ATXN10: variants seen among roughly 807,000 people sequenced by gnomAD.
ATXN10 encodes ataxin-10.
A neutral mutation model predicts 52.9 loss-of-function variants in ATXN10; 28 were observed. That is an observed-to-expected ratio of 0.53 (90% CI 0.39 to 0.73). The LOEUF (loss-of-function observed/expected upper bound fraction) is 0.73. ATXN10 is among the 30% of genes least tolerant of loss of function. ATXN10 has a pLI of 0.00. For synonymous variants in ATXN10, 226 were observed against 221.5 expected (o/e 1.02, Z -0.18); for missense variants, 565 against 577.0 (o/e 0.98, Z 0.21).
intron 9 of ATXN10, among the ~76,000 whole-genome samples, chr22:45,764,370 A>T (rs1926509523): frequency 6.6e-6 from 1 of 151,884 alleles, no homozygotes; most frequent in South Asian, 2.1e-4. Context: ...GGTTTCCCTT[A>T]GCAAGGCTTC....
rs538251604 is a variant in ATXN10, at chr22:45,700,571, A to G, written c.488+193A>G. On this transcript the variant is annotated intron_variant, in intron 4 of 11. Coordinates refer to ENST00000252934, the MANE Select transcript of ATXN10 (RefSeq NM_013236.4). ...ACCTGGGTCCTGGAAGTGTTCGTCT[A>G]TATCTTGACCTTGGTGGTGGTTACA... 3.3e-5 allele frequency among the ~76,000 whole-genome samples: 5 copies of G among 152,308 alleles called. No homozygotes were observed. In the South Asian group the frequency reaches 6.2e-4, roughly 19 times the overall value.
At chr22:45,710,183 A>G (rs541802971) in intron 5 of ATXN10, among the ~76,000 whole-genome samples, 9 of 152,320 alleles carry the variant, frequency 5.9e-5, no homozygotes, top group African/African-American at 2.2e-4. Flanking sequence ...AGTACTTGTC[A>G]TGTCCTGGCG....
intron 9 of ATXN10, among the ~76,000 whole-genome samples, chr22:45,797,187 G>A (rs1048977460): frequency 6.6e-6 from 1 of 152,146 alleles, no homozygotes; most frequent in African/African-American, 2.4e-5. Flanking sequence ...AAAGCAGGAG[G>A]AATATGGAAA....
intron 10 of ATXN10, among the ~76,000 whole-genome samples, chr22:45,807,655 C>T (rs1376453537): frequency 1.3e-5 from 2 of 152,202 alleles, no homozygotes; most frequent in Non-Finnish European, 2.9e-5. Context: ...ACTAGTTGTA[C>T]TATACAAAAC....
At chr22:45,804,700 T>C (rs1282903264) in intron 9 of ATXN10, among the ~76,000 whole-genome samples, 1 of 152,176 alleles carries the variant, frequency 6.6e-6, no homozygotes, top group Non-Finnish European at 1.5e-5. Flanking sequence ...AATTTGTATG[T>C]TTTCAATTTT....
At chr22:45,738,517 T>C (rs1925385852) in intron 7 of ATXN10, 1 of 528,194 alleles carries the variant, frequency 1.9e-6, no homozygotes, top group Non-Finnish European at 3.4e-6. Flanking sequence ...CTTGCATTCT[T>C]GATGGCAGAT....
In ATXN10 at chr22:45,696,515, C is replaced by G. The variant is rs986694926; in HGVS notation, c.391+3437C>G. On this transcript the variant is annotated intron_variant, in intron 3 of 11. Coordinates refer to ENST00000252934, the MANE Select transcript of ATXN10 (RefSeq NM_013236.4). This position sits in a 1 kb window ranked among gnomAD's most constrained non-coding sequence, Gnocchi z 4.7. ...ATTAGAATGGAGCCAGCCCCTCCAC[C>G]ATGTGCTGGATTTCATCGCCACTTG... is the stretch of plus-strand genomic sequence containing the variant. Among the ~76,000 whole-genome samples, 6 of 152,208 alleles carry G rather than the reference C, an allele frequency of 3.9e-5. No homozygotes were observed. The highest frequency in any genetic ancestry group is 8.8e-5 in the Non-Finnish European group (6 of 68,034).
At position 45,841,070 on chromosome 22, in the gene ATXN10, TTATTCTC is replaced by T. The variant is rs944452533; in HGVS notation, c.1238-1917_1238-1911del. 5.2e-4 allele frequency among the ~76,000 whole-genome samples: 79 copies of T among 152,322 alleles called. No homozygotes were observed. Among genetic ancestry groups the T allele is most frequent in the African/African-American group, 1.8e-3 (75 of 41,566 alleles). On this transcript the variant is annotated intron_variant, in intron 10 of 11. Transcript: ENST00000252934. This position sits in a 1 kb window ranked among gnomAD's most constrained non-coding sequence, Gnocchi z 5.1. ...TGCTTGATACCGGGGCTCGTTATCT[TTATTCTC>T]TATACTGGCACAAAGTGGGGGTTCA...
intron 9 of ATXN10, among the ~76,000 whole-genome samples, chr22:45,741,359 G>C (rs1466737631): frequency 6.6e-6 from 1 of 152,160 alleles, no homozygotes; most frequent in East Asian, 1.9e-4. Context: ...ACCATTTGTA[G>C]CATAGCCCTT....
intron 3 of ATXN10, 42 bp from the exon 4 acceptor site, chr22:45,700,240 T>C: frequency 1.6e-6 from 2 of 1,279,274 alleles, no homozygotes; most frequent in Non-Finnish European, 2.2e-6. Context: ...TTATTGTGTT[T>C]AATCATTTAT....
intron 3 of ATXN10, among the ~76,000 whole-genome samples, chr22:45,693,955 G>A (rs1036737253): frequency 6.6e-6 from 1 of 152,180 alleles, no homozygotes; most frequent in African/African-American, 2.4e-5. Flanking sequence ...TCTGTGGTAA[G>A]ACTTTTAATA....
intron 6 of ATXN10, among the ~76,000 whole-genome samples, chr22:45,720,970 G>C (rs1175892541): frequency 6.6e-6 from 1 of 152,244 alleles, no homozygotes; most frequent in Admixed American, 6.5e-5. Flanking sequence ...CAGAGACACA[G>C]TCCCTGCCCT....
chr22:45,813,203 T>C (rs569315033), intron 10 of ATXN10, among the ~76,000 whole-genome samples: 1 of 152,282 alleles, frequency 6.6e-6, no homozygotes, highest in Non-Finnish European at 1.5e-5. Flanking sequence ...CAATTTCTTA[T>C]TTGTCAGTTT....
chr22:45,692,659 T>G (rs1923428500), intron 2 of ATXN10, among the ~76,000 whole-genome samples: 1 of 152,236 alleles, frequency 6.6e-6, no homozygotes, highest in African/African-American at 2.4e-5. Flanking sequence ...TATTAAAGCC[T>G]AGATCTTTTT....
chr22:45,816,635 G>A lies in ATXN10; in HGVS notation c.1237+9613G>A, dbSNP rs1928471583. On this transcript the variant is annotated intron_variant, in intron 10 of 11. Transcript: ENST00000252934. This position sits in a 1 kb window ranked among gnomAD's most constrained non-coding sequence, Gnocchi z 5.8. ...TTGGACCCTGTGAACCCAGGGGACTGTTTCCAAAATGTGCTCCAAAGCATA... is the reference window on the plus strand; with the variant it reads ...TTGGACCCTGTGAACCCAGGGGACTATTTCCAAAATGTGCTCCAAAGCATA... Among the ~76,000 whole-genome samples the A allele has an allele frequency of 6.6e-6, 1 of 152,200 alleles. No individual in the cohort carries two copies. Among genetic ancestry groups the A allele is most frequent in the Non-Finnish European group, 1.5e-5 (1 of 68,036 alleles).
intron 9 of ATXN10, among the ~76,000 whole-genome samples, chr22:45,773,648 G>C (rs1926851814): frequency 6.6e-6 from 1 of 151,892 alleles, no homozygotes; most frequent in Non-Finnish European, 1.5e-5. Context: ...AGTAGAGATG[G>C]GGTTTCACCA....
In ATXN10 at chr22:45,818,626, G is replaced by GCAGGGAT. The variant is rs61155854; in HGVS notation, c.1237+11617_1237+11623dup. 0.04 allele frequency among the ~76,000 whole-genome samples: 6,023 copies of GCAGGGAT among 152,000 alleles called. 338 individuals are homozygous for GCAGGGAT. The highest frequency in any genetic ancestry group is 0.12 in the African/African-American group (4,904 of 41,390). ...AGGGATCAGGGATCAACAGCCTGGG[G>GCAGGGAT]CAGGGATCAGGGATCAGGGGGCAGG... On this transcript the variant is annotated intron_variant, in intron 10 of 11. Transcript: ENST00000252934. This position sits in a 1 kb window ranked among gnomAD's most constrained non-coding sequence, Gnocchi z 4.6.
At chr22:45,777,733 C>T (rs1927009654) in intron 9 of ATXN10, among the ~76,000 whole-genome samples, 1 of 152,210 alleles carries the variant, frequency 6.6e-6, no homozygotes, top group South Asian at 2.1e-4. Flanking sequence ...CTTGCACGCA[C>T]CCCTCCGCAC....
In ATXN10 at chr22:45,733,625, A is replaced by T. The variant is rs1332269405; in HGVS notation, c.894+4035A>T. On this transcript the variant is annotated intron_variant, in intron 7 of 11. Coordinates refer to ENST00000252934, the MANE Select transcript of ATXN10 (RefSeq NM_013236.4). The surrounding 1 kb of genome is among the most constrained non-coding windows in gnomAD (Gnocchi z 4.4). ...GTGGCGGATGCCTGTAATCCCAGCTACTCGGGAGGCTGTCCCAGCTACTCG... is the reference window on the plus strand; with the variant it reads ...GTGGCGGATGCCTGTAATCCCAGCTTCTCGGGAGGCTGTCCCAGCTACTCG... 6.6e-6 allele frequency among the ~76,000 whole-genome samples: 1 copy of T among 151,882 alleles called. No individual in the cohort carries two copies. The highest frequency in any genetic ancestry group is 1.5e-5 in the Non-Finnish European group (1 of 67,954).
Sources: gnomAD v4.1 joint callset for allele counts (sites outside exome capture counted in the v4.1 genomes callset) on GRCh38, gnomAD v4.1.1 for gene constraint, Gnocchi (gnomAD v3.1) non-coding constraint, MANE v1.5 for transcripts, NCBI Gene and HGNC (gene_info 2026-07-23, HGNC 2026-07-21) for gene names.